DIAPH3: variants seen among roughly 807,000 people sequenced by gnomAD.
DIAPH3 encodes protein diaphanous homolog 3.
A neutral mutation model predicts 144.3 loss-of-function variants in DIAPH3; 117 were observed. That is an observed-to-expected ratio of 0.81 (90% CI 0.70 to 0.95). DIAPH3 has a LOEUF of 0.95. Among genes scored for constraint, DIAPH3 ranks in the 40% least tolerant of loss-of-function variants. DIAPH3 has a pLI of 0.00. For missense variants in DIAPH3, 1,421 were observed against 1,412.7 expected (o/e 1.01, Z -0.09); for synonymous variants, 519 against 488.9 (o/e 1.06, Z -0.81).
At chr13:59,679,434 A>C (rs891389584) in intron 27 of DIAPH3, among the ~76,000 whole-genome samples, 3 of 152,070 alleles carry the variant, frequency 2.0e-5, no homozygotes, top group Admixed American at 6.6e-5. Flanking sequence ...CTGTTTCCTC[A>C]AAGACCTGCT....
chr13:59,940,029 A>G (rs937957335), intron 17 of DIAPH3, among the ~76,000 whole-genome samples: 1 of 152,152 alleles, frequency 6.6e-6, no homozygotes, highest in Non-Finnish European at 1.5e-5. Context: ...ATTTAAAGTT[A>G]GGCTACTTAT....
intron 4 of DIAPH3, among the ~76,000 whole-genome samples, chr13:60,084,202 G>T (rs2057675132): frequency 6.6e-6 from 1 of 152,062 alleles, no homozygotes; most frequent in African/African-American, 2.4e-5. Flanking sequence ...GTTTAGCATG[G>T]GACGGGGCAG....
intron 25 of DIAPH3, among the ~76,000 whole-genome samples, chr13:59,801,361 G>T (rs939913809): frequency 1.3e-5 from 2 of 152,126 alleles, no homozygotes; most frequent in African/African-American, 4.8e-5. Flanking sequence ...ACTTTGGAGG[G>T]AATCTATCCA....
intron 4 of DIAPH3, among the ~76,000 whole-genome samples, chr13:60,073,762 A>G (rs779919890): frequency 8.5e-5 from 13 of 152,232 alleles, no homozygotes; most frequent in Admixed American, 2.6e-4. Context: ...TCTGTAAATA[A>G]AAGTTACTAA....
intron 27 of DIAPH3, among the ~76,000 whole-genome samples, chr13:59,761,173 A>G (rs917679571): frequency 1.2e-4 from 19 of 152,178 alleles, no homozygotes; most frequent in African/African-American, 4.3e-4. Context: ...CTTTACCTAG[A>G]CGAAATAACA....
intron 20 of DIAPH3, among the ~76,000 whole-genome samples, chr13:59,902,309 T>A (rs1452067391): frequency 1.3e-5 from 2 of 151,958 alleles, no homozygotes; most frequent in Non-Finnish European, 1.5e-5. Flanking sequence ...ATCTGGCTGT[T>A]TAAAAGTGTG....
In DIAPH3 at chr13:59,983,630, T is replaced by C. The variant is rs1290068591; in HGVS notation, c.1480+139A>G. On this transcript the variant is annotated intron_variant, in intron 13 of 27. Coordinates refer to ENST00000400324, the MANE Select transcript of DIAPH3 (RefSeq NM_001042517.2). The stretch of plus-strand genomic sequence containing the variant: ...AACCCAATAAAAAAGGCGAATAATG[T>C]TTTTGTGCTATTATGAAAACAGTTT... The C allele has an allele frequency of 4.8e-6, 3 of 619,386 alleles. No homozygotes were observed. The South Asian group carries it at 6.0e-5, about 12-fold the overall frequency. The allele number at this position is 619,386 out of a possible 1,614,324, so 38.4% of individuals were successfully genotyped here.
chr13:59,762,560 T>C (rs1293552498), intron 27 of DIAPH3, among the ~76,000 whole-genome samples: 1 of 152,182 alleles, frequency 6.6e-6, no homozygotes, highest in Non-Finnish European at 1.5e-5. Context: ...TGCCAAGTAG[T>C]GTACCATAAT....
intron 15 of DIAPH3, among the ~76,000 whole-genome samples, chr13:59,972,031 C>T (rs1416503514): frequency 6.6e-6 from 1 of 152,204 alleles, no homozygotes; most frequent in Non-Finnish European, 1.5e-5. Flanking sequence ...ATCTCTTTGA[C>T]AGATCATAAG....
intron 5 of DIAPH3, among the ~76,000 whole-genome samples, chr13:60,033,484 G>T (rs1282809613): frequency 1.3e-5 from 2 of 152,166 alleles, no homozygotes; most frequent in Non-Finnish European, 2.9e-5. Context: ...TTGCCTTCTG[G>T]GTCGGCCTTA....
chr13:59,732,284 C>A (rs186425040), intron 27 of DIAPH3, among the ~76,000 whole-genome samples: 8 of 151,782 alleles, frequency 5.3e-5, no homozygotes, highest in Admixed American at 3.9e-4. Context: ...AGTGTTACAA[C>A]CAACCCCCTT....
intron 24 of DIAPH3, among the ~76,000 whole-genome samples, chr13:59,811,478 C>A (rs762952135): frequency 6.6e-6 from 1 of 152,062 alleles, no homozygotes; most frequent in Non-Finnish European, 1.5e-5. Context: ...GTGGCTCACG[C>A]CTGTAATCCC....
rs781234871 is a variant in DIAPH3, at chr13:60,010,510, G to C, written c.908+23C>G. 4 of 1,547,454 alleles carry C rather than the reference G, an allele frequency of 2.6e-6. No homozygotes were observed. The South Asian group carries it at 4.7e-5, about 18-fold the overall frequency. ...CTGTATTAAATTATTATATAATTAG[G>C]GGAATATGTTGATAACACTTACATG... On this transcript the variant is annotated intron_variant, in intron 8 of 27. Transcript: ENST00000400324.
At chr13:59,809,558 G>A (rs186743504) in intron 25 of DIAPH3, among the ~76,000 whole-genome samples, 398 of 150,174 alleles carry the variant, frequency 2.7e-3, no homozygotes, top group Non-Finnish European at 4.4e-3. Context: ...AAATTAGGAA[G>A]TAATATATTA....
Position 60,120,449 on chromosome 13 carries a change from G to C in DIAPH3, c.214-8263C>G, listed in dbSNP as rs574339780. 2.6e-5 allele frequency among the ~76,000 whole-genome samples: 4 copies of C among 152,246 alleles called. No individual in the cohort carries two copies. In the South Asian group the frequency reaches 6.2e-4, roughly 24 times the overall value. The stretch of plus-strand genomic sequence containing the variant: ...TCACCTCTTAATTTGTATTTTACTG[G>C]AATTTATAAGAAGTTCTTTAGCCAG... On this transcript the variant is annotated intron_variant, in intron 2 of 27. Coordinates refer to ENST00000400324, the MANE Select transcript of DIAPH3 (RefSeq NM_001042517.2).
chr13:59,935,661 T>C (rs2048229163), intron 17 of DIAPH3, among the ~76,000 whole-genome samples: 1 of 152,228 alleles, frequency 6.6e-6, no homozygotes, highest in Non-Finnish European at 1.5e-5. Context: ...TATAAATCAC[T>C]TTAGTCATAT....
At chr13:60,104,574 A>G (rs952445180) in intron 3 of DIAPH3, among the ~76,000 whole-genome samples, 5 of 138,612 alleles carry the variant, frequency 3.6e-5, no homozygotes, top group Middle Eastern at 3.5e-3. Context: ...AGGCACACAC[A>G]CACACACACA....
At position 60,008,533 on chromosome 13, in the gene DIAPH3, A is replaced by G; in HGVS notation, c.1014+11T>C. ...ATTTAAAAACAGATTTTATATACAC[A>G]CAAAACTTACTTGCAGTTGAACTGA... On this transcript the variant is annotated intron_variant, in intron 9 of 27. Transcript: ENST00000400324. 1.3e-6 allele frequency: 2 copies of G among 1,592,618 alleles called. No individual in the cohort carries two copies. Among genetic ancestry groups the G allele is most frequent in the African/African-American group, 1.3e-5 (1 of 74,538 alleles).
chr13:59,728,041 T>C (rs917020259), intron 27 of DIAPH3, among the ~76,000 whole-genome samples: 2 of 149,106 alleles, frequency 1.3e-5, no homozygotes, highest in African/African-American at 4.9e-5. Flanking sequence ...AAGAAAGTCC[T>C]TACTAGACCA....
Sources: gnomAD v4.1 joint callset for allele counts (sites outside exome capture counted in the v4.1 genomes callset) on GRCh38, gnomAD v4.1.1 for gene constraint, MANE v1.5 for transcripts, NCBI Gene and HGNC (gene_info 2026-07-23, HGNC 2026-07-21) for gene names.